PLPP3: variants seen among roughly 807,000 people sequenced by gnomAD.
PLPP3 encodes the protein phospholipid phosphatase 3.
PLPP3 carries 6 observed loss-of-function variants against 29.6 expected under a neutral mutation model. The observed-to-expected ratio is 0.20, with a 90% CI of 0.11 to 0.40. The LOEUF (loss-of-function observed/expected upper bound fraction) is 0.40, where lower values mean the gene tolerates loss of function less well. Among genes scored for constraint, PLPP3 ranks in the 10% least tolerant of loss-of-function variants. The pLI is 1.00. For synonymous variants in PLPP3, 152 were observed against 159.7 expected (o/e 0.95, Z 0.36); for missense variants, 308 against 407.7 (o/e 0.76, Z 2.11).
At chr1:56,499,290 G>A (rs967152568) in intron 5 of PLPP3, among the ~76,000 whole-genome samples, 3 of 152,106 alleles carry the variant, frequency 2.0e-5, no homozygotes, top group Non-Finnish European at 4.4e-5. Flanking sequence ...AAGGCATTCC[G>A]TTCTCTAATG....
At position 56,512,152 on chromosome 1, in the gene PLPP3, G is replaced by A. The variant is rs758068290; in HGVS notation, c.634C>T (p.Leu212=). The change falls in exon 5 of 6, where the codon CTA becomes TTA. Residue 212 remains leucine, a splice_region_variant and synonymous_variant. Transcript: ENST00000371250. ...CAAGTGAAGCGGGCCTGCAGGTATA[G>A]CTGGAGAAAGGAGACAAAAAGGAAC... ...FSMYTMLYLV[L]YLQARFTWRG... is the part of the protein sequence containing the mutation. 1.1e-5 allele frequency: 18 copies of A among 1,588,156 alleles called. No homozygotes were observed. The South Asian group carries it at 1.8e-4, about 16-fold the overall frequency.
chr1:56,579,063 A>C lies in PLPP3; in HGVS notation c.-47T>G, dbSNP rs1646258813. 1.3e-6 allele frequency: 2 copies of C among 1,569,240 alleles called. 1 individual carries two copies. Among genetic ancestry groups the C allele is most frequent in the South Asian group, 2.3e-5 (2 of 88,154 alleles). On this transcript the variant is annotated 5_prime_UTR_variant, in exon 1 of 6. Coordinates refer to ENST00000371250, the MANE Select transcript of PLPP3 (RefSeq NM_003713.5). Reference sequence around the variant, plus strand: ...CTCCCGCCCCGCGAAGACGTCCCGCAACAGCAGCCACACACCCAGGCGCCC... The same window carrying C: ...CTCCCGCCCCGCGAAGACGTCCCGCCACAGCAGCCACACACCCAGGCGCCC...
At chr1:56,563,562 T>C (rs1358996264) in intron 1 of PLPP3, among the ~76,000 whole-genome samples, 1 of 152,166 alleles carries the variant, frequency 6.6e-6, no homozygotes, top group Non-Finnish European at 1.5e-5. Context: ...GGAACTGAGA[T>C]TCTCTCTGAT....
chr1:56,547,546 G>C (rs752816312), intron 1 of PLPP3, among the ~76,000 whole-genome samples: 1 of 152,142 alleles, frequency 6.6e-6, no homozygotes, highest in Non-Finnish European at 1.5e-5. Flanking sequence ...TCTCAGATGG[G>C]TGGTTAGGCC....
chr1:56,526,904 G>C (rs947545395), intron 2 of PLPP3, among the ~76,000 whole-genome samples: 6 of 152,158 alleles, frequency 3.9e-5, no homozygotes, highest in Non-Finnish European at 8.8e-5. Flanking sequence ...ACCTCAGATT[G>C]CTCTCTGGTT....
At position 56,528,815 on chromosome 1, in the gene PLPP3, T is replaced by C. The variant is rs549344548; in HGVS notation, c.298-4261A>G. On this transcript the variant is annotated intron_variant, in intron 2 of 5. Coordinates refer to ENST00000371250, the MANE Select transcript of PLPP3 (RefSeq NM_003713.5). The stretch of plus-strand genomic sequence containing the variant: ...CCAGAAAATGTATGTATGGATGACA[T>C]TGCTTTTGATCATTTTATCTAGTAT... Among the ~76,000 whole-genome samples the C allele has an allele frequency of 3.3e-5, 5 of 149,798 alleles. No individual in the cohort carries two copies. The South Asian group carries it at 6.5e-4, about 19-fold the overall frequency.
At chr1:56,512,907 T>A (rs1299585492) in intron 4 of PLPP3, 2 of 152,126 alleles carry the variant, frequency 1.3e-5, no homozygotes, top group East Asian at 3.9e-4. Flanking sequence ...TTTGTGTATT[T>A]CCCTGGGGAT....
chr1:56,527,895 T>C (rs1645862225), intron 2 of PLPP3, among the ~76,000 whole-genome samples: 1 of 152,268 alleles, frequency 6.6e-6, no homozygotes. Context: ...AGTCCCAGAT[T>C]TACTGCTTTC....
At chr1:56,576,753 C>CT (rs899344242) in intron 1 of PLPP3, among the ~76,000 whole-genome samples, 17 of 152,012 alleles carry the variant, frequency 1.1e-4, no homozygotes, top group Non-Finnish European at 1.5e-5. Flanking sequence ...AGAATATTAG[C>CT]TTTGGGGGGA....
chr1:56,539,774 T>A (rs979135102), intron 1 of PLPP3, among the ~76,000 whole-genome samples: 5 of 152,220 alleles, frequency 3.3e-5, no homozygotes, highest in Non-Finnish European at 1.5e-5. Context: ...TGCCACTGCC[T>A]AAACATTTTG....
chr1:56,574,659 C>T (rs773732819), intron 1 of PLPP3, among the ~76,000 whole-genome samples: 10 of 152,202 alleles, frequency 6.6e-5, no homozygotes, highest in Non-Finnish European at 1.3e-4. Flanking sequence ...AAGGACACAT[C>T]CGGCGTAGGA....
intron 4 of PLPP3, among the ~76,000 whole-genome samples, chr1:56,522,472 C>T (rs565845864): frequency 6.6e-6 from 1 of 152,064 alleles, no homozygotes; most frequent in African/African-American, 2.4e-5. Context: ...GAGCAGGAAC[C>T]TAAATATCTT....
intron 4 of PLPP3, among the ~76,000 whole-genome samples, chr1:56,523,315 G>C (rs1239275985): frequency 1.3e-5 from 2 of 152,178 alleles, no homozygotes; most frequent in Non-Finnish European, 2.9e-5. Flanking sequence ...GCTTGGGCTT[G>C]AGCAACAGTC....
At chr1:56,568,131 T>C (rs1231280128) in intron 1 of PLPP3, among the ~76,000 whole-genome samples, 1 of 152,078 alleles carries the variant, frequency 6.6e-6, no homozygotes, top group Non-Finnish European at 1.5e-5. Context: ...TGCCATGAGA[T>C]GTGGGAAGGT....
chr1:56,534,009 A>C (rs1307378806), intron 2 of PLPP3, among the ~76,000 whole-genome samples: 2 of 152,222 alleles, frequency 1.3e-5, no homozygotes, highest in African/African-American at 4.8e-5. Flanking sequence ...AGATATTAAG[A>C]ATCTGTATAA....
intron 1 of PLPP3, among the ~76,000 whole-genome samples, chr1:56,551,648 C>T (rs1465073813): frequency 4.6e-5 from 7 of 152,166 alleles, no homozygotes; most frequent in Admixed American, 2.0e-4. Flanking sequence ...TGAGAGCAAA[C>T]GGCATACGTG....
intron 5 of PLPP3, among the ~76,000 whole-genome samples, chr1:56,503,522 C>G (rs1221278402): frequency 6.6e-6 from 1 of 152,110 alleles, no homozygotes; most frequent in African/African-American, 2.4e-5. Context: ...AACCCTGTCT[C>G]TACTAAAAAT....
intron 5 of PLPP3, among the ~76,000 whole-genome samples, chr1:56,507,116 A>T (rs959631869): frequency 6.6e-6 from 1 of 152,354 alleles, no homozygotes; most frequent in East Asian, 1.9e-4. Context: ...TGTCTAGACA[A>T]GTCTGCCTGT....
At chr1:56,531,252 T>C (rs1569884374) in intron 2 of PLPP3, among the ~76,000 whole-genome samples, 1 of 152,172 alleles carries the variant, frequency 6.6e-6, no homozygotes, top group Non-Finnish European at 1.5e-5. Flanking sequence ...CTTGAAGCTC[T>C]CCCCTCCCTA....
Sources: gnomAD v4.1 joint callset for allele counts (sites outside exome capture counted in the v4.1 genomes callset) on GRCh38, gnomAD v4.1.1 for gene constraint, MANE v1.5 for transcripts, NCBI Gene and HGNC (gene_info 2026-07-23, HGNC 2026-07-21) for gene names.